Variants in STRBP observed in about 807,000 individuals in gnomAD.
STRBP encodes spermatid perinuclear RNA binding protein.
STRBP carries 13 observed loss-of-function variants against 80.1 expected under a neutral mutation model. The ratio of observed to expected loss-of-function variants is 0.16; its 90% CI spans 0.11 to 0.26. The LOEUF (loss-of-function observed/expected upper bound fraction) is 0.26, where lower values mean the gene tolerates loss of function less well. Ranked by LOEUF, STRBP falls within the 10% of genes least tolerant of loss-of-function variation. The pLI is 1.00. For synonymous variants in STRBP, 284 were observed against 291.2 expected, an observed-to-expected ratio of 0.98 and a Z score of 0.25; for missense variants, 485 against 815.2, an observed-to-expected ratio of 0.59 and a Z score of 4.93.
chr9:123,261,231 G>A (rs1588165880), intron 1 of STRBP, among the ~76,000 whole-genome samples: 2 of 152,290 alleles, frequency 1.3e-5, no homozygotes, highest in South Asian at 4.1e-4. Flanking sequence ...AGCTTCCTGG[G>A]AGGACTAAGC....
chr9:123,266,684 T>C (rs2041272856), intron 1 of STRBP, among the ~76,000 whole-genome samples: 2 of 151,964 alleles, frequency 1.3e-5, no homozygotes, highest in Admixed American at 1.3e-4. Flanking sequence ...TTTCCTGCCC[T>C]AAACCTGGGC....
chr9:123,175,393 T>C (rs954458203), intron 4 of STRBP, among the ~76,000 whole-genome samples: 1 of 151,832 alleles, frequency 6.6e-6, no homozygotes, highest in African/African-American at 2.4e-5. Context: ...ATCAGCAGAG[T>C]TGAGAATAAA....
Position 123,125,166 on chromosome 9 carries a change from A to G in STRBP, c.*431T>C. On this transcript the variant is annotated 3_prime_UTR_variant, in exon 19 of 19. Coordinates refer to ENST00000348403, the MANE Select transcript of STRBP (RefSeq NM_018387.5). The stretch of plus-strand genomic sequence containing the variant: ...AATTAAAGTGCCCTGGGGCAAATAC[A>G]TATCAATCAACTAAGAATCAGTGAC... The G allele has an allele frequency of 1.0e-6, 1 of 987,332 alleles. No individual in the cohort carries two copies. Among genetic ancestry groups the G allele is most frequent in the Non-Finnish European group, 1.2e-6 (1 of 831,040 alleles). The allele number at this position is 987,332 out of a possible 1,614,324, so 61.2% of individuals were successfully genotyped here.
At chr9:123,167,990 T>C (rs2132420012) in intron 6 of STRBP, among the ~76,000 whole-genome samples, 1 of 151,840 alleles carries the variant, frequency 6.6e-6, no homozygotes, top group South Asian at 2.1e-4. Context: ...ATGACTGATG[T>C]TCCCTTAATA....
chr9:123,219,791 T>C lies in STRBP; in HGVS notation c.-165+17039A>G, dbSNP rs376042815. Among the ~76,000 whole-genome samples, 186 of 152,360 alleles carry C rather than the reference T, an allele frequency of 1.2e-3. 6 individuals are homozygous for C. The South Asian group carries it at 0.037, about 30-fold the overall frequency. ...CATCTGTACTAACAACAATAAAACC[T>C]GTATTTCACAGAGTTGCTACAAAAT... On this transcript the variant is annotated intron_variant, in intron 2 of 18. Transcript: ENST00000348403.
At chr9:123,230,329 G>A (rs1211872082) in intron 2 of STRBP, among the ~76,000 whole-genome samples, 5 of 152,088 alleles carry the variant, frequency 3.3e-5, no homozygotes, top group Non-Finnish European at 7.4e-5. Context: ...TAATTATCAC[G>A]TAACTTGACA....
chr9:123,185,157 A>G (rs761179399), intron 2 of STRBP, among the ~76,000 whole-genome samples: 1 of 152,172 alleles, frequency 6.6e-6, no homozygotes, highest in Non-Finnish European at 1.5e-5. Flanking sequence ...TGGCTATAAG[A>G]GGACATAATT....
intron 8 of STRBP, among the ~76,000 whole-genome samples, chr9:123,159,967 G>A (rs549025684): frequency 2.2e-4 from 34 of 152,176 alleles, no homozygotes; most frequent in Non-Finnish European, 4.4e-4. Flanking sequence ...TCCTTATACC[G>A]GCCTATTGGG....
At chr9:123,121,487 T>C (rs1048502673), downstream of STRBP, 1 of 152,236 alleles carries the variant, frequency 6.6e-6, no homozygotes, top group Non-Finnish European at 1.5e-5. Flanking sequence ...GATGGATTGC[T>C]TTAAGTCTAT....
chr9:123,170,168 A>G, intron 5 of STRBP, 122 bp from the exon 6 acceptor site: 1 of 917,764 alleles, frequency 1.1e-6, no homozygotes, highest in Non-Finnish European at 1.5e-6. Flanking sequence ...CTCAAAGGGC[A>G]AAGAAAGCCT....
At chr9:123,180,905 T>C in intron 3 of STRBP, 1 of 984,264 alleles carries the variant, frequency 1.0e-6, no homozygotes, top group African/African-American at 1.7e-5. Flanking sequence ...ATATTTTGTT[T>C]TGAAGTCCAT....
chr9:123,217,849 A>G (rs1052315257), intron 2 of STRBP, among the ~76,000 whole-genome samples: 7 of 152,194 alleles, frequency 4.6e-5, no homozygotes, highest in African/African-American at 1.7e-4. Flanking sequence ...TTGCTTTTCA[A>G]CTTCTTAAAG....
chr9:123,164,824 AACC>A (rs2037683399), intron 6 of STRBP, among the ~76,000 whole-genome samples: 1 of 152,316 alleles, frequency 6.6e-6, no homozygotes, highest in African/African-American at 2.4e-5. Context: ...ACATGCCCCA[AACC>A]ACTGTCCATG....
chr9:123,211,973 T>C (rs934623296), intron 2 of STRBP, among the ~76,000 whole-genome samples: 3 of 152,156 alleles, frequency 2.0e-5, no homozygotes, highest in Non-Finnish European at 4.4e-5. Flanking sequence ...CCCTAAAATA[T>C]AGACACTAAC....
chr9:123,121,396 C>T (rs1232742034), downstream of STRBP: 2 of 152,132 alleles, frequency 1.3e-5, no homozygotes, highest in African/African-American at 4.8e-5. Flanking sequence ...GTCTGCCTAA[C>T]CCTCACATCT....
intron 1 of STRBP, among the ~76,000 whole-genome samples, chr9:123,246,422 G>A (rs1041632240): frequency 3.9e-5 from 6 of 152,210 alleles, no homozygotes; most frequent in African/African-American, 7.2e-5. Context: ...TTGGCAGACC[G>A]ATGTAGAGTC....
Position 123,139,465 on chromosome 9 carries a change from A to T in STRBP, c.1497+64T>A, listed in dbSNP as rs2036498117. The T allele has an allele frequency of 3.1e-6, 4 of 1,296,580 alleles. No homozygotes were observed. In the African/African-American group the frequency reaches 4.6e-5, roughly 15 times the overall value. 80.3% of individuals were successfully genotyped at this position (1,296,580 alleles called of 1,614,324 possible). On this transcript the variant is annotated intron_variant, in intron 14 of 18. Transcript: ENST00000348403. ...TTTGATTTTATTTATACTTTTCCAC[A>T]TCTCTCAAATTTCCTACAATGCACA...
chr9:123,224,976 T>C (rs747909367), intron 2 of STRBP, among the ~76,000 whole-genome samples: 1 of 152,294 alleles, frequency 6.6e-6, no homozygotes, highest in East Asian at 1.9e-4. Flanking sequence ...CCATCAATAG[T>C]ACAATGGATA....
rs553202089 is a variant in STRBP, at chr9:123,192,329, GAGA to G, written c.-164-8034_-164-8032del. 3.0e-3 allele frequency among the ~76,000 whole-genome samples: 462 copies of G among 152,280 alleles called. 2 individuals are homozygous for G. Among genetic ancestry groups the G allele is most frequent in the African/African-American group, 0.01 (435 of 41,548 alleles). On this transcript the variant is annotated intron_variant, in intron 2 of 18. Transcript: ENST00000348403. ...CCAATGAATACAAAAAAAGCAAAAG[GAGA>G]AGAACAACTATACTCAAAGAAGGAA...
Sources: gnomAD v4.1 joint callset for allele counts (sites outside exome capture counted in the v4.1 genomes callset) on GRCh38, gnomAD v4.1.1 for gene constraint, MANE v1.5 for transcripts, NCBI Gene and HGNC (gene_info 2026-07-23, HGNC 2026-07-21) for gene names.